The following FRMPD1 variants were observed in gnomAD, a reference collection of about 807,000 sequenced individuals.
The protein encoded by FRMPD1 is FERM and PDZ domain-containing protein 1.
FRMPD1 carries 76 observed loss-of-function variants against 117.8 expected under a neutral mutation model. The ratio of observed to expected loss-of-function variants is 0.65; its 90% CI spans 0.54 to 0.78. The LOEUF is 0.78. Ranked by LOEUF, FRMPD1 falls within the 30% of genes least tolerant of loss-of-function variation. The pLI is 0.00. For missense variants in FRMPD1, 1,786 were observed against 1,964.5 expected (o/e 0.91, Z 1.72); for synonymous variants, 783 against 770.4 (o/e 1.02, Z -0.27).
At chr9:37,732,477 A>G (rs1823933604) in intron 10 of FRMPD1, 37 bp downstream of exon 10, 1 of 1,568,740 alleles carries the variant, frequency 6.4e-7, no homozygotes, top group Admixed American at 1.9e-5. Flanking sequence ...TTGCATTTAT[A>G]ACTTGCTGGC....
the FRMPD1 span, chr9:37,637,148 G>C: frequency 6.2e-7 from 1 of 1,609,296 alleles, no homozygotes; most frequent in Non-Finnish European, 8.5e-7. Flanking sequence ...CAGCTCGATG[G>C]TTTGGATCTT....
intron 5 of FRMPD1, among the ~76,000 whole-genome samples, chr9:37,713,672 AGT>A (rs984181593): frequency 2.0e-5 from 3 of 151,908 alleles, no homozygotes; most frequent in South Asian, 4.2e-4. Context: ...AACTATATAT[AGT>A]GTGTGTGTGT....
At chr9:37,692,790 C>A in intron 2 of FRMPD1, 48 bp downstream of exon 2, 1 of 1,326,100 alleles carries the variant, frequency 7.5e-7, no homozygotes, top group Middle Eastern at 1.8e-4. Flanking sequence ...GTCTGGTGTC[C>A]CGGGGGAGGA....
At chr9:37,621,259 C>T in the FRMPD1 span, among the ~76,000 whole-genome samples, 1 of 152,132 alleles carries the variant, frequency 6.6e-6, no homozygotes, top group Non-Finnish European at 1.5e-5. Flanking sequence ...GGGTGTTAGA[C>T]TAGAAGTTTC....
intron 5 of FRMPD1, among the ~76,000 whole-genome samples, chr9:37,716,746 A>G (rs1314023039): frequency 1.3e-5 from 2 of 152,122 alleles, no homozygotes; most frequent in Non-Finnish European, 2.9e-5. Flanking sequence ...TTGACAGCCC[A>G]GCTCCTTATA....
At chr9:37,723,763 C>T (rs1489478225) in intron 6 of FRMPD1, among the ~76,000 whole-genome samples, 2 of 151,840 alleles carry the variant, frequency 1.3e-5, no homozygotes, top group Non-Finnish European at 2.9e-5. Flanking sequence ...GAGGCTGAGG[C>T]GGGTGGATCA....
chr9:37,653,904 T>G (rs1820760669), intron 1 of FRMPD1, among the ~76,000 whole-genome samples: 1 of 152,084 alleles, frequency 6.6e-6, no homozygotes, highest in Non-Finnish European at 1.5e-5. Context: ...GAGACTGCGG[T>G]GAGCTATGAT....
chr9:37,637,734 G>A, the FRMPD1 span, among the ~76,000 whole-genome samples: 1 of 152,194 alleles, frequency 6.6e-6, no homozygotes, highest in Admixed American at 6.5e-5. Context: ...TAAGACAGGA[G>A]CTATATCATC....
At chr9:37,645,377 C>T in the FRMPD1 span, among the ~76,000 whole-genome samples, 432 of 152,100 alleles carry the variant, frequency 2.8e-3, 5 homozygotes, top group East Asian at 0.029. Context: ...GCAATAGATT[C>T]GAATACCAGT....
At chr9:37,684,284 C>T (rs566836543) in intron 1 of FRMPD1, among the ~76,000 whole-genome samples, 1 of 152,332 alleles carries the variant, frequency 6.6e-6, no homozygotes, top group East Asian at 1.9e-4. Flanking sequence ...GTGTGCTTAG[C>T]CAGGTGACTT....
At chr9:37,646,038 G>A (rs1444517342), upstream of FRMPD1, among the ~76,000 whole-genome samples, 2 of 152,132 alleles carry the variant, frequency 1.3e-5, no homozygotes, top group East Asian at 3.9e-4. Context: ...GGTCTAGAAC[G>A]CTAGGGCACT....
Position 37,692,717 on chromosome 9 carries a change from C to G in FRMPD1, c.76C>G (p.Arg26Gly). The change falls in exon 2 of 16, where the codon CGG becomes GGG. Residue 26 changes from arginine (R) to glycine (G), a missense_variant. Arg to Gly is a moderately radical substitution (Grantham distance 125). Transcript: ENST00000377765. The part of the protein sequence containing the change: ...RIEQMVARWL[R>G]RSRDSSARAK... ...AGAACAAATGGTGGCAAGATGGCTT[C>G]GGCGCTCCCGGGACAGCTCGGCCCG... 6.2e-7 allele frequency: 1 copy of G among 1,613,704 alleles called. No individual in the cohort carries two copies. Among genetic ancestry groups the G allele is most frequent in the East Asian group, 2.2e-5 (1 of 44,876 alleles).
chr9:37,667,154 C>T (rs1485149888), intron 1 of FRMPD1, among the ~76,000 whole-genome samples: 8 of 149,394 alleles, frequency 5.4e-5, no homozygotes, highest in African/African-American at 2.0e-4. Context: ...ACTGCTGCTC[C>T]CCCAGGCTCA....
chr9:37,652,757 G>A (rs541902020), intron 1 of FRMPD1, among the ~76,000 whole-genome samples: 1 of 152,142 alleles, frequency 6.6e-6, no homozygotes, highest in Non-Finnish European at 1.5e-5. Context: ...CTACTCATTC[G>A]AGAGGACACA....
chr9:37,693,185 T>G (rs1398686572), intron 2 of FRMPD1: 1 of 158,076 alleles, frequency 6.3e-6, no homozygotes, highest in Non-Finnish European at 1.4e-5. Flanking sequence ...AATCTGCCGT[T>G]TATATTCTTT....
intron 1 of FRMPD1, among the ~76,000 whole-genome samples, chr9:37,665,524 A>G (rs1205768698): frequency 1.3e-5 from 2 of 152,082 alleles, no homozygotes; most frequent in African/African-American, 2.4e-5. Context: ...GCTTTGGGGG[A>G]AGGAAATAGA....
intron 10 of FRMPD1, among the ~76,000 whole-genome samples, chr9:37,732,672 T>C (rs941986466): frequency 6.6e-6 from 1 of 152,246 alleles, no homozygotes; most frequent in African/African-American, 2.4e-5. Flanking sequence ...CAGGATTCCC[T>C]TGTAAATTGC....
the FRMPD1 span, among the ~76,000 whole-genome samples, chr9:37,609,849 A>G: frequency 6.6e-6 from 1 of 152,160 alleles, no homozygotes; most frequent in East Asian, 1.9e-4. Flanking sequence ...GCTCTTCCTC[A>G]GGAAAGCCAA....
At chr9:37,713,932 CCTT>C (rs1823007481) in intron 5 of FRMPD1, among the ~76,000 whole-genome samples, 1 of 152,162 alleles carries the variant, frequency 6.6e-6, no homozygotes, top group Admixed American at 6.6e-5. Flanking sequence ...AAAATATAAA[CCTT>C]CTGTGGTCCA....
Sources: gnomAD v4.1 joint callset for allele counts (sites outside exome capture counted in the v4.1 genomes callset) on GRCh38, gnomAD v4.1.1 for gene constraint, MANE v1.5 for transcripts, NCBI Gene and HGNC (gene_info 2026-07-23, HGNC 2026-07-21) for gene names.